RBFOX1: variants seen among roughly 807,000 people sequenced by gnomAD.
The protein encoded by RBFOX1 is RNA binding fox-1 homolog 1.
RBFOX1 carries 8 observed loss-of-function variants against 57.7 expected under a neutral mutation model. That is an observed-to-expected ratio of 0.14 (90% CI 0.08 to 0.25). The LOEUF (loss-of-function observed/expected upper bound fraction) is 0.25, where lower values mean the gene tolerates loss of function less well. RBFOX1 is among the 10% of genes least tolerant of loss of function. RBFOX1 has a pLI of 1.00. For synonymous variants in RBFOX1, 326 were observed against 222.4 expected (o/e 1.47, Z -4.15); for missense variants, 611 against 548.5 (o/e 1.11, Z -1.14).
At chr16:6,535,493 A>G (rs754294799) in intron 2 of RBFOX1, among the ~76,000 whole-genome samples, 13 of 152,100 alleles carry the variant, frequency 8.5e-5, no homozygotes, top group Non-Finnish European at 1.9e-4. Flanking sequence ...TAGTGTTTTC[A>G]CTCCCATTCC....
intron 3 of RBFOX1, among the ~76,000 whole-genome samples, chr16:6,789,945 C>G (rs1363112583): frequency 6.6e-6 from 1 of 151,624 alleles, no homozygotes; most frequent in African/African-American, 2.4e-5. Context: ...TCTTCCCTAA[C>G]TTATTGATTT....
intron 3 of RBFOX1, among the ~76,000 whole-genome samples, chr16:5,806,485 G>T (rs897099617): frequency 6.6e-6 from 1 of 152,200 alleles, no homozygotes; most frequent in East Asian, 1.9e-4. Context: ...ATTCATGAGG[G>T]CTGTGCTTGC....
At chr16:5,470,077 C>G (rs1002389074) in intron 2 of RBFOX1, among the ~76,000 whole-genome samples, 1 of 152,220 alleles carries the variant, frequency 6.6e-6, no homozygotes, top group African/African-American at 2.4e-5. Flanking sequence ...AGGTGCCAGG[C>G]TGTCACCATC....
chr16:7,008,317 G>A (rs1429208488), intron 3 of RBFOX1, among the ~76,000 whole-genome samples: 1 of 152,066 alleles, frequency 6.6e-6, no homozygotes, highest in African/African-American at 2.4e-5. Context: ...TGAGGCAGGT[G>A]GATCACCTGA....
chr16:7,036,146 C>T (rs1052530003), intron 3 of RBFOX1, among the ~76,000 whole-genome samples: 1 of 151,804 alleles, frequency 6.6e-6, no homozygotes, highest in Admixed American at 6.6e-5. Flanking sequence ...TGGGTGCCTT[C>T]TATCCCTATT....
At chr16:7,100,145 T>C (rs975666557) in intron 4 of RBFOX1, among the ~76,000 whole-genome samples, 4 of 151,980 alleles carry the variant, frequency 2.6e-5, no homozygotes, top group Middle Eastern at 3.4e-3. Flanking sequence ...AAAAAAGCTT[T>C]AGAGAGGGAT....
chr16:6,549,615 T>TTG (rs1228155434), intron 2 of RBFOX1, among the ~76,000 whole-genome samples: 2 of 151,176 alleles, frequency 1.3e-5, no homozygotes, highest in East Asian at 4.0e-4. Context: ...CTGCAGCAAA[T>TTG]TGTAGGGAAG....
At chr16:6,707,157 A>G (rs2062897822) in intron 3 of RBFOX1, among the ~76,000 whole-genome samples, 1 of 152,156 alleles carries the variant, frequency 6.6e-6, no homozygotes, top group Admixed American at 6.5e-5. Context: ...CAAAAAGGAA[A>G]TTGTAAGGTG....
intron 4 of RBFOX1, among the ~76,000 whole-genome samples, chr16:7,216,621 G>A (rs562928021): frequency 3.9e-5 from 6 of 152,150 alleles, no homozygotes; most frequent in African/African-American, 1.4e-4. Context: ...TCGTACCGCT[G>A]TACTCCAGCC....
intron 3 of RBFOX1, among the ~76,000 whole-genome samples, chr16:5,723,275 C>T (rs1432213104): frequency 6.6e-6 from 1 of 152,176 alleles, no homozygotes; most frequent in Non-Finnish European, 1.5e-5. Context: ...CACCAGAGTC[C>T]ATTTTCTCAT....
intron 1 of RBFOX1, among the ~76,000 whole-genome samples, chr16:5,401,095 G>C (rs1438178523): frequency 6.6e-6 from 1 of 151,734 alleles, no homozygotes; most frequent in Non-Finnish European, 1.5e-5. Flanking sequence ...ATATATCTCA[G>C]GCTTTTTCTT....
intron 3 of RBFOX1, among the ~76,000 whole-genome samples, chr16:5,786,104 C>G (rs1346549502): frequency 6.6e-6 from 1 of 152,168 alleles, no homozygotes; most frequent in Non-Finnish European, 1.5e-5. Flanking sequence ...AGATGCTTTG[C>G]AAGGCCCTTG....
rs190804243 is a variant in RBFOX1, at chr16:6,676,801, T to G, written c.-16+22151T>G. On this transcript the variant is annotated intron_variant, in intron 3 of 15. Coordinates refer to ENST00000550418, the MANE Select transcript of RBFOX1 (RefSeq NM_018723.4). ...AGCATTTCTCCTGCCTCAGCCTCCC[T>G]AGTAGCTGGGATTACAGGCACCCGC... Among the ~76,000 whole-genome samples the G allele has an allele frequency of 2.0e-5, 3 of 150,892 alleles. No homozygotes were observed. The Admixed American group carries it at 2.0e-4, about 10-fold the overall frequency.
intron 9 of RBFOX1, among the ~76,000 whole-genome samples, chr16:7,598,978 T>G (rs2094862954): frequency 6.6e-6 from 1 of 152,228 alleles, no homozygotes; most frequent in Non-Finnish European, 1.5e-5. Context: ...TTGCTCTTAA[T>G]TTTAAAAGGG....
intron 1 of RBFOX1, among the ~76,000 whole-genome samples, chr16:5,332,884 T>A (rs2064793427): frequency 6.6e-6 from 1 of 152,156 alleles, no homozygotes; most frequent in African/African-American, 2.4e-5. Flanking sequence ...AAGTTATCTT[T>A]CATTAAAAAC....
intron 2 of RBFOX1, among the ~76,000 whole-genome samples, chr16:5,528,233 G>T (rs2044319133): frequency 6.6e-6 from 1 of 152,128 alleles, no homozygotes; most frequent in East Asian, 1.9e-4. Flanking sequence ...ATTCCTTTGT[G>T]CCCAGTGCTG....
intron 2 of RBFOX1, among the ~76,000 whole-genome samples, chr16:6,428,432 G>A (rs2093990457): frequency 6.6e-6 from 1 of 152,042 alleles, no homozygotes; most frequent in African/African-American, 2.4e-5. Context: ...ACTAATGTAT[G>A]TGTATGTAGT....
intron 4 of RBFOX1, among the ~76,000 whole-genome samples, chr16:7,179,054 A>G (rs532662195): frequency 6.6e-6 from 1 of 152,010 alleles, no homozygotes; most frequent in South Asian, 2.1e-4. Flanking sequence ...TTTTATGGCT[A>G]TTTCTTTAAT....
chr16:7,519,849 A>C, intron 5 of RBFOX1: 8 of 473,514 alleles, frequency 1.7e-5, no homozygotes, highest in South Asian at 9.0e-5. Context: ...TTGCCACCTC[A>C]TTCATTTGGA....
Sources: allele counts gnomAD v4.1 joint callset (sites outside exome capture counted in the v4.1 genomes callset), GRCh38; gene constraint gnomAD v4.1.1; transcripts MANE v1.5; gene names NCBI Gene and HGNC (gene_info 2026-07-23, HGNC 2026-07-21).